Variants in PDE4D observed in about 807,000 individuals in gnomAD.
PDE4D encodes the protein phosphodiesterase 4D, also known as 3',5'-cyclic-AMP phosphodiesterase 4D.
PDE4D carries 24 observed loss-of-function variants against 87.4 expected under a neutral mutation model. The ratio of observed to expected loss-of-function variants is 0.27; its 90% CI spans 0.20 to 0.39. The LOEUF (loss-of-function observed/expected upper bound fraction) is 0.39. PDE4D is among the 10% of genes least tolerant of loss of function. The pLI is 1.00. For missense variants in PDE4D, 714 were observed against 1,041.0 expected (o/e 0.69, Z 4.32); for synonymous variants, 384 against 383.2 (o/e 1.00, Z -0.02).
chr5:60,242,789 A>G (rs1747275690), intron 1 of PDE4D, among the ~76,000 whole-genome samples: 1 of 152,074 alleles, frequency 6.6e-6, no homozygotes, highest in Non-Finnish European at 1.5e-5. Flanking sequence ...ACAAATGATA[A>G]TGGAAACACA....
intron 1 of PDE4D, among the ~76,000 whole-genome samples, chr5:60,274,171 G>C (rs962389130): frequency 9.7e-5 from 7 of 72,300 alleles, no homozygotes; most frequent in Middle Eastern, 6.3e-3. Flanking sequence ...ATTGATGATG[G>C]GGGTAGAGAA....
intron 1 of PDE4D, among the ~76,000 whole-genome samples, chr5:59,874,800 T>A (rs1008677927): frequency 6.6e-6 from 1 of 152,196 alleles, no homozygotes; most frequent in Non-Finnish European, 1.5e-5. Context: ...TAGATGGGAC[T>A]AATGGAGCAT....
intron 1 of PDE4D, among the ~76,000 whole-genome samples, chr5:59,706,574 A>G (rs183864570): frequency 1.4e-3 from 210 of 152,330 alleles, no homozygotes; most frequent in African/African-American, 4.9e-3. Flanking sequence ...GAATGAGAAC[A>G]TAAGTCTACC....
At chr5:60,385,072 A>G (rs1762109106) in intron 1 of PDE4D, among the ~76,000 whole-genome samples, 1 of 152,172 alleles carries the variant, frequency 6.6e-6, no homozygotes, top group African/African-American at 2.4e-5. Flanking sequence ...TTGCATTCTC[A>G]TGAAAATCAT....
At chr5:59,230,381 T>C (rs1260080939) in intron 1 of PDE4D, among the ~76,000 whole-genome samples, 1 of 152,120 alleles carries the variant, frequency 6.6e-6, no homozygotes, top group African/African-American at 2.4e-5. Context: ...TCTCAAGATA[T>C]TACAATTTTC....
chr5:59,445,997 A>G (rs1798286901), intron 1 of PDE4D, among the ~76,000 whole-genome samples: 1 of 152,186 alleles, frequency 6.6e-6, no homozygotes, highest in African/African-American at 2.4e-5. Flanking sequence ...AGTCCCCAGT[A>G]ACTAAATAAC....
intron 1 of PDE4D, among the ~76,000 whole-genome samples, chr5:60,362,746 C>G (rs1438593326): frequency 6.6e-6 from 1 of 151,852 alleles, no homozygotes; most frequent in East Asian, 1.9e-4. Context: ...GTAGTCCCAG[C>G]TACTCAGGAG....
At chr5:59,765,015 T>C (rs571548598) in intron 1 of PDE4D, among the ~76,000 whole-genome samples, 1 of 152,318 alleles carries the variant, frequency 6.6e-6, no homozygotes, top group South Asian at 2.1e-4. Flanking sequence ...TGAATTTGTT[T>C]AGCAGACATT....
intron 1 of PDE4D, among the ~76,000 whole-genome samples, chr5:60,205,755 G>A (rs1000334475): frequency 3.3e-5 from 5 of 151,820 alleles, no homozygotes; most frequent in South Asian, 2.1e-4. Context: ...TTAGCCAGGC[G>A]TGGTGATGTG....
intron 1 of PDE4D, among the ~76,000 whole-genome samples, chr5:59,759,443 G>A (rs868561539): frequency 6.6e-6 from 1 of 152,280 alleles, no homozygotes; most frequent in African/African-American, 2.4e-5. Flanking sequence ...ATGGTCATGG[G>A]AAGCACACGT....
intron 1 of PDE4D, among the ~76,000 whole-genome samples, chr5:60,395,443 AT>A (rs1183748944): frequency 6.6e-6 from 1 of 152,128 alleles, no homozygotes; most frequent in Admixed American, 6.5e-5. Context: ...CAAATTAAGG[AT>A]TTTTTCCTAC....
chr5:59,295,748 G>A (rs1038280844), intron 1 of PDE4D, among the ~76,000 whole-genome samples: 7 of 151,806 alleles, frequency 4.6e-5, no homozygotes, highest in African/African-American at 1.7e-4. Context: ...GCGGCTCTCA[G>A]AGAAAGTGCT....
chr5:59,775,727 CATG>C (rs1416741485), intron 1 of PDE4D, among the ~76,000 whole-genome samples: 2 of 152,120 alleles, frequency 1.3e-5, no homozygotes, highest in Non-Finnish European at 2.9e-5. Flanking sequence ...ACATAACAGA[CATG>C]ATAAGGAACA....
chr5:59,844,156 G>A (rs1250379632), intron 1 of PDE4D, among the ~76,000 whole-genome samples: 2 of 152,008 alleles, frequency 1.3e-5, no homozygotes, highest in African/African-American at 4.8e-5. Context: ...CAAAGAGACT[G>A]CTCAAATTCA....
intron 1 of PDE4D, chr5:59,558,934 T>C (rs928899146): frequency 5.3e-5 from 8 of 152,156 alleles, no homozygotes; most frequent in Non-Finnish European, 1.0e-4. Context: ...ACATGAGGTG[T>C]GTATGAGGTT....
chr5:60,352,081 AG>A (rs1284891440), intron 1 of PDE4D, among the ~76,000 whole-genome samples: 1 of 151,854 alleles, frequency 6.6e-6, no homozygotes, highest in Non-Finnish European at 1.5e-5. Context: ...CTGGGATTAC[AG>A]GTATGAGCCA....
At chr5:60,448,798 A>C (rs1450040996) in intron 1 of PDE4D, 1 of 152,058 alleles carries the variant, frequency 6.6e-6, no homozygotes, top group Non-Finnish European at 1.5e-5. Context: ...ATTTTAATGA[A>C]AACAATTCAA....
chr5:60,408,671 A>T (rs897396380), intron 1 of PDE4D, among the ~76,000 whole-genome samples: 2 of 152,200 alleles, frequency 1.3e-5, no homozygotes, highest in African/African-American at 4.8e-5. Flanking sequence ...TATCAAAAAA[A>T]GTGTGAAAGA....
chr5:59,971,924 A>G (rs993443035), intron 3 of PDE4D, among the ~76,000 whole-genome samples: 4 of 152,204 alleles, frequency 2.6e-5, no homozygotes, highest in African/African-American at 9.6e-5. Context: ...CAGAATAAAC[A>G]GGGAGCTTGA....
Sources: allele counts gnomAD v4.1 joint callset (sites outside exome capture counted in the v4.1 genomes callset), GRCh38; gene constraint gnomAD v4.1.1; transcripts MANE v1.5; gene names NCBI Gene and HGNC (gene_info 2026-07-23, HGNC 2026-07-21).